DOCK3: variants seen among roughly 807,000 people sequenced by gnomAD.
The protein encoded by DOCK3 is dedicator of cytokinesis protein 3.
In DOCK3, 60 loss-of-function variants were observed where a neutral mutation model predicts 265.6. The observed-to-expected ratio is 0.23, with a 90% confidence interval of 0.18 to 0.28. The LOEUF (loss-of-function observed/expected upper bound fraction) is 0.28, where lower values mean the gene tolerates loss of function less well. Among genes scored for constraint, DOCK3 ranks in the 10% least tolerant of loss-of-function variants. DOCK3 has a pLI of 1.00. For synonymous variants in DOCK3, 881 were observed against 938.0 expected (o/e 0.94, Z 1.11); for missense variants, 1,981 against 2,594.3 (o/e 0.76, Z 5.14).
At chr3:50,922,253 T>C (rs1246525853) in intron 4 of DOCK3, among the ~76,000 whole-genome samples, 1 of 152,238 alleles carries the variant, frequency 6.6e-6, no homozygotes, top group Non-Finnish European at 1.5e-5. Context: ...GCCTCAGCAA[T>C]GGCAGACGCC....
At chr3:50,866,131 G>A (rs1015842897) in intron 3 of DOCK3, among the ~76,000 whole-genome samples, 1 of 151,898 alleles carries the variant, frequency 6.6e-6, no homozygotes, top group Non-Finnish European at 1.5e-5. Context: ...TTTTTAACTT[G>A]ATGTGATCCC....
intron 33 of DOCK3, among the ~76,000 whole-genome samples, chr3:51,332,627 G>A (rs1242381168): frequency 6.6e-6 from 1 of 152,138 alleles, no homozygotes; most frequent in East Asian, 1.9e-4. Flanking sequence ...ATCACTTGAG[G>A]CTAGGAGTTC....
intron 5 of DOCK3, among the ~76,000 whole-genome samples, chr3:51,055,036 A>G (rs1575905891): frequency 6.6e-6 from 1 of 152,304 alleles, no homozygotes; most frequent in Admixed American, 6.5e-5. Flanking sequence ...GTTGACAGAA[A>G]GCTCTGTGAA....
intron 2 of DOCK3, among the ~76,000 whole-genome samples, chr3:50,798,261 C>A (rs528136052): frequency 5.9e-5 from 9 of 152,248 alleles, no homozygotes; most frequent in African/African-American, 2.2e-4. Context: ...AGAGAAAAAC[C>A]AGGTCTCGCT....
intron 36 of DOCK3, 91 bp downstream of exon 36, chr3:51,338,510 C>T: frequency 7.0e-7 from 1 of 1,427,062 alleles, no homozygotes; most frequent in Non-Finnish European, 9.7e-7. Flanking sequence ...CAATACATGG[C>T]TGCAGGCCTA....
intron 2 of DOCK3, among the ~76,000 whole-genome samples, chr3:50,783,398 G>A (rs949206871): frequency 6.6e-6 from 1 of 151,780 alleles, no homozygotes; most frequent in African/African-American, 2.4e-5. Flanking sequence ...TCTCATTGTG[G>A]TTTTAATTTG....
intron 1 of DOCK3, among the ~76,000 whole-genome samples, chr3:50,677,596 G>A (rs1207865150): frequency 6.6e-6 from 1 of 152,156 alleles, no homozygotes; most frequent in African/African-American, 2.4e-5. Context: ...CACATAGCAA[G>A]GAGGGAAACC....
intron 12 of DOCK3, among the ~76,000 whole-genome samples, chr3:51,170,683 G>A (rs1314770794): frequency 6.6e-6 from 1 of 151,964 alleles, no homozygotes; most frequent in Non-Finnish European, 1.5e-5. Context: ...GGTGGCTCAC[G>A]CCTGTAATCC....
chr3:50,718,771 A>ATTTT (rs373965842), intron 1 of DOCK3, among the ~76,000 whole-genome samples: 8 of 76,966 alleles, frequency 1.0e-4, no homozygotes, highest in Non-Finnish European at 1.9e-4. Context: ...TTGTGGGTTG[A>ATTTT]TTTTTTTTTT....
chr3:51,248,494 G>A (rs1054369653), intron 22 of DOCK3, among the ~76,000 whole-genome samples: 2 of 152,216 alleles, frequency 1.3e-5, no homozygotes, highest in Non-Finnish European at 2.9e-5. Flanking sequence ...TTCACTCAGT[G>A]CTCAATGGCG....
intron 12 of DOCK3, among the ~76,000 whole-genome samples, chr3:51,203,220 G>A (rs2088931238): frequency 6.6e-6 from 1 of 152,122 alleles, no homozygotes; most frequent in Non-Finnish European, 1.5e-5. Context: ...AAAAGAGGAA[G>A]TCAAATTGTC....
intron 5 of DOCK3, among the ~76,000 whole-genome samples, chr3:50,949,859 T>C (rs1187077218): frequency 2.0e-5 from 3 of 152,112 alleles, no homozygotes; most frequent in African/African-American, 7.2e-5. Context: ...TAGTAACCTA[T>C]ATAGGAAATA....
intron 1 of DOCK3, among the ~76,000 whole-genome samples, chr3:50,752,717 G>A (rs2039910643): frequency 6.6e-6 from 1 of 151,792 alleles, no homozygotes; most frequent in Non-Finnish European, 1.5e-5. Context: ...GGCAGAGGTT[G>A]CACAGAGCCG....
rs772624366 is a variant in DOCK3, at chr3:51,214,184, A to G, written c.1189A>G (p.Met397Val). ...DMEQIRRENP[M>V]IFNRGLAITR... ...GGAACAGATTCGGAGAGAAAATCCC[A>G]TGATATTTAATAGGGGATTGGCAAT... Residue 397 changes from methionine (M) to valine (V), a missense_variant, in exon 14 of 53, where the codon ATG becomes GTG. Met to Val is a conservative substitution (Grantham distance 21, BLOSUM62 1). Transcript: ENST00000266037. The G allele has an allele frequency of 3.7e-6, 6 of 1,613,674 alleles. No individual in the cohort carries two copies. The African/African-American group carries it at 5.3e-5, about 14-fold the overall frequency.
At chr3:50,734,965 G>C (rs1438809009) in intron 1 of DOCK3, among the ~76,000 whole-genome samples, 1 of 152,144 alleles carries the variant, frequency 6.6e-6, no homozygotes, top group Non-Finnish European at 1.5e-5. Flanking sequence ...ATTTCACTTT[G>C]AAGCACTCCC....
chr3:51,229,098 T>C (rs181988535), intron 18 of DOCK3, among the ~76,000 whole-genome samples: 4 of 152,322 alleles, frequency 2.6e-5, no homozygotes, highest in Admixed American at 2.6e-4. Flanking sequence ...GCTAGTTCTG[T>C]TCCTCTAGAT....
intron 1 of DOCK3, among the ~76,000 whole-genome samples, chr3:50,705,054 A>C (rs962405415): frequency 2.9e-5 from 3 of 104,020 alleles, no homozygotes; most frequent in East Asian, 2.9e-4. Context: ...TTTTTAATCT[A>C]TTCCTTGTTC....
At chr3:50,760,975 G>A (rs765457671) in intron 1 of DOCK3, among the ~76,000 whole-genome samples, 1 of 151,824 alleles carries the variant, frequency 6.6e-6, no homozygotes, top group Admixed American at 6.6e-5. Flanking sequence ...TAGAAACGGG[G>A]TTTTACCGTG....
At chr3:50,759,267 A>AT (rs2040383018) in intron 1 of DOCK3, among the ~76,000 whole-genome samples, 1 of 151,988 alleles carries the variant, frequency 6.6e-6, no homozygotes, top group South Asian at 2.1e-4. Flanking sequence ...ATTCTGTTTA[A>AT]TTTTTTTAGG....
Sources: allele counts gnomAD v4.1 joint callset (sites outside exome capture counted in the v4.1 genomes callset), GRCh38; gene constraint gnomAD v4.1.1; transcripts MANE v1.5; gene names NCBI Gene and HGNC (gene_info 2026-07-23, HGNC 2026-07-21).